Variants in ITCH observed in about 807,000 individuals in gnomAD.
ITCH encodes the protein itchy E3 ubiquitin protein ligase.
A neutral mutation model predicts 126.8 loss-of-function variants in ITCH; 28 were observed. That is an observed-to-expected ratio of 0.22 (90% confidence interval 0.16 to 0.30). The LOEUF is 0.30. Among genes scored for constraint, ITCH ranks in the 10% least tolerant of loss-of-function variants. The pLI, the probability that ITCH is intolerant of heterozygous loss-of-function variation, is 1.00. For missense variants in ITCH, 631 were observed against 1,032.4 expected, an observed-to-expected ratio of 0.61 and a Z score of 5.33; for synonymous variants, 342 against 340.0, an observed-to-expected ratio of 1.01 and a Z score of -0.06.
chr20:34,444,278 A>G (rs758605693), intron 10 of ITCH, among the ~76,000 whole-genome samples: 8 of 152,132 alleles, frequency 5.3e-5, no homozygotes, highest in Non-Finnish European at 1.2e-4. Context: ...CATATTTTGT[A>G]CCCATTTAAA....
At chr20:34,365,330 T>C (rs1443717485) in intron 1 of ITCH, among the ~76,000 whole-genome samples, 1 of 152,136 alleles carries the variant, frequency 6.6e-6, no homozygotes, top group Admixed American at 6.6e-5. Context: ...ACCAAGGATA[T>C]CATATGAAAT....
chr20:34,365,721 A>T (rs1389932563), intron 1 of ITCH, among the ~76,000 whole-genome samples: 1 of 152,160 alleles, frequency 6.6e-6, no homozygotes, highest in African/African-American at 2.4e-5. Context: ...GGCCCTAAAA[A>T]ATACATCTTT....
At chr20:34,401,662 T>G in intron 3 of ITCH, 1 of 978,672 alleles carries the variant, frequency 1.0e-6, no homozygotes, top group Non-Finnish European at 1.2e-6. Context: ...AAGTAGACTG[T>G]GGAATCAATC....
intron 3 of ITCH, among the ~76,000 whole-genome samples, chr20:34,394,612 G>C (rs545717317): frequency 2.0e-5 from 3 of 152,062 alleles, no homozygotes; most frequent in Non-Finnish European, 4.4e-5. Context: ...CGAACACCTG[G>C]GCTTAAATGA....
chr20:34,422,204 A>G (rs769720322), intron 6 of ITCH, among the ~76,000 whole-genome samples: 4 of 152,196 alleles, frequency 2.6e-5, no homozygotes, highest in Non-Finnish European at 5.9e-5. Context: ...TATGCAGGAA[A>G]AGTACAGGAA....
intron 16 of ITCH, among the ~76,000 whole-genome samples, chr20:34,474,788 G>C (rs1012366886): frequency 2.4e-5 from 1 of 41,706 alleles, no homozygotes; most frequent in Non-Finnish European, 5.9e-5. Flanking sequence ...TGGCCGGGCG[G>C]GGGGGCTGAC....
At chr20:34,390,193 C>G (rs542407402) in intron 2 of ITCH, among the ~76,000 whole-genome samples, 2 of 151,986 alleles carry the variant, frequency 1.3e-5, no homozygotes, top group East Asian at 3.9e-4. Flanking sequence ...ATGCAACAGG[C>G]AGTTTTCCTA....
intron 8 of ITCH, among the ~76,000 whole-genome samples, chr20:34,438,961 A>G (rs1983393014): frequency 6.6e-6 from 1 of 152,234 alleles, no homozygotes; most frequent in Admixed American, 6.5e-5. Context: ...ATACTCAAGG[A>G]TTTGGTTGCT....
intron 7 of ITCH, among the ~76,000 whole-genome samples, chr20:34,433,717 CT>C (rs1222362723): frequency 6.6e-6 from 1 of 150,758 alleles, no homozygotes; most frequent in Non-Finnish European, 1.5e-5. Flanking sequence ...TGTAGTATGT[CT>C]ATATATAATT....
At chr20:34,375,696 A>ATTTTTTTTTTTTT (rs5841171) in intron 2 of ITCH, among the ~76,000 whole-genome samples, 5 of 65,554 alleles carry the variant, frequency 7.6e-5, no homozygotes, top group African/African-American at 2.2e-4. Flanking sequence ...GGTAGTTAAA[A>ATTTTTTTTTTTTT]TTTTTTTTTT....
At chr20:34,464,356 TG>T (rs1314197681) in intron 14 of ITCH, among the ~76,000 whole-genome samples, 1 of 150,920 alleles carries the variant, frequency 6.6e-6, no homozygotes, top group Non-Finnish European at 1.5e-5. Context: ...TCACTCTTTT[TG>T]CCCACTCTTT....
chr20:34,436,789 A>G (rs544618552), intron 7 of ITCH, among the ~76,000 whole-genome samples: 2 of 152,344 alleles, frequency 1.3e-5, no homozygotes, highest in Admixed American at 1.3e-4. Context: ...TTGAATAGAA[A>G]GGCCCTAAAG....
intron 7 of ITCH, among the ~76,000 whole-genome samples, chr20:34,424,980 G>C (rs554393781): frequency 6.6e-6 from 1 of 152,270 alleles, no homozygotes; most frequent in East Asian, 1.9e-4. Flanking sequence ...GCCTATCTGC[G>C]TTCAAGTTTG....
intron 20 of ITCH, among the ~76,000 whole-genome samples, chr20:34,481,622 C>CA (rs1988760346): frequency 6.6e-6 from 1 of 152,154 alleles, no homozygotes; most frequent in Admixed American, 6.5e-5. Flanking sequence ...GGGGAGGCCT[C>CA]ACCCTCATGG....
intron 20 of ITCH, among the ~76,000 whole-genome samples, chr20:34,487,118 T>C (rs1989182902): frequency 6.7e-6 from 1 of 150,024 alleles, no homozygotes. Context: ...TTCACGTCAT[T>C]CTCCTGCCTC....
chr20:34,449,206 T>C (rs1984856598), intron 11 of ITCH, among the ~76,000 whole-genome samples: 1 of 152,182 alleles, frequency 6.6e-6, no homozygotes. Flanking sequence ...TTTAAATAAT[T>C]TTAAATGTTA....
rs755780332 is a variant in ITCH, at chr20:34,476,389, C to A, written c.1570-1383C>A. The A allele has an allele frequency of 3.6e-4, 462 of 1,273,264 alleles. 1 individual carries two copies. Among genetic ancestry groups the A allele is most frequent in the Non-Finnish European group, 4.2e-4 (427 of 1,009,382 alleles). 78.9% of individuals were successfully genotyped at this position (1,273,264 alleles called of 1,614,324 possible). On this transcript the variant is annotated intron_variant, in intron 16 of 24. Coordinates refer to ENST00000374864, the MANE Select transcript of ITCH (RefSeq NM_031483.7). ...CAGGCCGCTGGCTCCAGCGCGGGAC[C>A]CGGCGTGGTGCAGCCACCGGCCGGC...
At chr20:34,389,744 C>CG (rs2038417610) in intron 2 of ITCH, among the ~76,000 whole-genome samples, 1 of 152,104 alleles carries the variant, frequency 6.6e-6, no homozygotes, top group South Asian at 2.1e-4. Context: ...CTTTATTACT[C>CG]AAAGTCATGA....
intron 8 of ITCH, among the ~76,000 whole-genome samples, 154 bp downstream of exon 8, chr20:34,438,785 A>G (rs1037471104): frequency 6.6e-6 from 1 of 152,174 alleles, no homozygotes; most frequent in Non-Finnish European, 1.5e-5. Flanking sequence ...AGGTAACCAA[A>G]AGTGCCTTTT....
Sources: gnomAD v4.1 joint callset for allele counts (sites outside exome capture counted in the v4.1 genomes callset) on GRCh38, gnomAD v4.1.1 for gene constraint, MANE v1.5 for transcripts, NCBI Gene and HGNC (gene_info 2026-07-23, HGNC 2026-07-21) for gene names.